B3GALT1: variants seen among roughly 807,000 people sequenced by gnomAD.
B3GALT1 encodes the protein UDP-Gal:betaGlcNAc beta 1,3-galactosyltransferase, polypeptide 1.
In B3GALT1, 10 loss-of-function variants were observed where a neutral mutation model predicts 23.2. That is an observed-to-expected ratio of 0.43 (90% confidence interval 0.27 to 0.73). The LOEUF (loss-of-function observed/expected upper bound fraction) is 0.73. B3GALT1 is among the 30% of genes least tolerant of loss of function. The pLI is 0.21. For missense variants in B3GALT1, 299 were observed against 405.4 expected (o/e 0.74, Z 2.25); for synonymous variants, 156 against 141.5 (o/e 1.10, Z -0.73).
intron 3 of B3GALT1, among the ~76,000 whole-genome samples, chr2:167,757,836 A>C (rs4667972): frequency 0.29 from 43,395 of 151,920 alleles, 6,439 homozygotes; most frequent in African/African-American, 0.34. Flanking sequence ...ATTCCAGTTC[A>C]CCCAGATGAA....
intron 2 of B3GALT1, among the ~76,000 whole-genome samples, chr2:167,644,113 T>G (rs941618375): frequency 6.6e-6 from 1 of 152,222 alleles, no homozygotes; most frequent in Admixed American, 6.5e-5. Flanking sequence ...AGGAGGTGTT[T>G]AGAATTGTTA....
At chr2:167,319,230 T>C (rs1251609236) in intron 1 of B3GALT1, among the ~76,000 whole-genome samples, 1 of 152,098 alleles carries the variant, frequency 6.6e-6, no homozygotes, top group African/African-American at 2.4e-5. Context: ...TTGACATCGT[T>C]TCTACAATAG....
chr2:167,631,974 G>A (rs908638695), intron 2 of B3GALT1, among the ~76,000 whole-genome samples: 2 of 151,410 alleles, frequency 1.3e-5, no homozygotes, highest in Non-Finnish European at 2.9e-5. Flanking sequence ...GCCCCGGTGT[G>A]TGATGTTCCC....
intron 1 of B3GALT1, among the ~76,000 whole-genome samples, chr2:167,347,121 A>G (rs1299101638): frequency 6.6e-6 from 1 of 152,210 alleles, no homozygotes; most frequent in Non-Finnish European, 1.5e-5. Context: ...TAAATAACTA[A>G]TAATTGTTCT....
chr2:167,560,580 A>T (rs1024009330), intron 2 of B3GALT1, among the ~76,000 whole-genome samples: 6 of 152,152 alleles, frequency 3.9e-5, no homozygotes, highest in Non-Finnish European at 8.8e-5. Context: ...GCAGAGACAC[A>T]CATAGGCTCA....
intron 1 of B3GALT1, among the ~76,000 whole-genome samples, chr2:167,449,008 T>A (rs149076059): frequency 2.6e-5 from 4 of 152,292 alleles, no homozygotes; most frequent in African/African-American, 9.6e-5. Context: ...GGGCTTATGG[T>A]ATAGTTTAAA....
chr2:167,583,790 C>T (rs1684532440), intron 2 of B3GALT1, among the ~76,000 whole-genome samples: 1 of 152,102 alleles, frequency 6.6e-6, no homozygotes, highest in African/African-American at 2.4e-5. Flanking sequence ...ATTTTGGATT[C>T]TCTGCCCCAT....
At chr2:167,796,910 G>A (rs1264130355) in intron 3 of B3GALT1, among the ~76,000 whole-genome samples, 1 of 152,150 alleles carries the variant, frequency 6.6e-6, no homozygotes, top group Non-Finnish European at 1.5e-5. Flanking sequence ...TCTCCAGTGA[G>A]GCTAGGTTGA....
chr2:167,584,537 C>T (rs567254709), intron 2 of B3GALT1, among the ~76,000 whole-genome samples: 6 of 152,298 alleles, frequency 3.9e-5, no homozygotes, highest in Admixed American at 2.0e-4. Flanking sequence ...TAGTTCGGTT[C>T]TGACACTATC....
At chr2:167,836,876 C>T (rs1574291514) in intron 4 of B3GALT1, among the ~76,000 whole-genome samples, 3 of 152,258 alleles carry the variant, frequency 2.0e-5, no homozygotes, top group South Asian at 2.1e-4. Context: ...CAATATTCAA[C>T]ATTCTTAAAG....
chr2:167,622,943 C>T (rs1362656687), intron 2 of B3GALT1, among the ~76,000 whole-genome samples: 2 of 151,870 alleles, frequency 1.3e-5, no homozygotes, highest in Non-Finnish European at 2.9e-5. Flanking sequence ...CAAGATCAAA[C>T]AGTCAAGATT....
At chr2:167,734,125 T>G (rs117176714) in intron 3 of B3GALT1, among the ~76,000 whole-genome samples, 1 of 152,224 alleles carries the variant, frequency 6.6e-6, no homozygotes, top group East Asian at 1.9e-4. Context: ...TTTATTGACA[T>G]CCAAGAGTCA....
rs1173819982 is a variant in B3GALT1 at position 167,532,854 on chromosome 2, C to CTTT, written c.-410+42597_-410+42599dup. ...ATAGAGAAAGACAGTTTTACTGCAT[C>CTTT]TTTTTTTTTTTTTTTTTTTTTTGGG... On this transcript the variant is annotated intron_variant, in intron 2 of 4. Transcript: ENST00000392690. Among the ~76,000 whole-genome samples the CTTT allele has an allele frequency of 6.1e-3, 583 of 96,336 alleles. 3 individuals carry two copies. The highest frequency in any genetic ancestry group is 8.8e-3 in the African/African-American group (209 of 23,868). 63.2% of individuals were successfully genotyped at this position (96,336 alleles called of 152,430 possible).
chr2:167,639,130 G>A (rs904022377), intron 2 of B3GALT1, among the ~76,000 whole-genome samples: 14 of 152,026 alleles, frequency 9.2e-5, no homozygotes, highest in African/African-American at 3.4e-4. Flanking sequence ...AAGTATGCCT[G>A]TAATCTCCCC....
chr2:167,854,189 C>T (rs1228148561), intron 4 of B3GALT1, among the ~76,000 whole-genome samples: 1 of 152,012 alleles, frequency 6.6e-6, no homozygotes, highest in Non-Finnish European at 1.5e-5. Flanking sequence ...TCACAGCCAG[C>T]CTGTAAATTA....
chr2:167,425,026 T>A (rs1195941651), intron 1 of B3GALT1, among the ~76,000 whole-genome samples: 1 of 152,214 alleles, frequency 6.6e-6, no homozygotes, highest in Non-Finnish European at 1.5e-5. Flanking sequence ...GCAAGCTACA[T>A]CTTGCCAGTG....
intron 3 of B3GALT1, among the ~76,000 whole-genome samples, chr2:167,802,332 T>G (rs914828536): frequency 7.9e-5 from 12 of 152,198 alleles, no homozygotes; most frequent in African/African-American, 2.9e-4. Context: ...GAAAACAGAC[T>G]GAGAGAGGGG....
intron 1 of B3GALT1, among the ~76,000 whole-genome samples, chr2:167,379,385 A>G (rs1426284158): frequency 2.0e-5 from 3 of 152,038 alleles, no homozygotes; most frequent in Non-Finnish European, 4.4e-5. Context: ...TAACCATATC[A>G]CTTTCTTTCC....
At chr2:167,365,741 G>C (rs1028276946) in intron 1 of B3GALT1, among the ~76,000 whole-genome samples, 29 of 151,738 alleles carry the variant, frequency 1.9e-4, no homozygotes, top group Non-Finnish European at 5.9e-5. Flanking sequence ...AAAAAAGATG[G>C]TCCTAAAATC....
Sources: gnomAD v4.1 joint callset for allele counts (sites outside exome capture counted in the v4.1 genomes callset) on GRCh38, gnomAD v4.1.1 for gene constraint, MANE v1.5 for transcripts, NCBI Gene and HGNC (gene_info 2026-07-23, HGNC 2026-07-21) for gene names.